The following NME7 variants were observed in gnomAD, a reference collection of about 807,000 sequenced individuals.
NME7 encodes NME/NM23 family member 7, also known as nucleoside diphosphate kinase 7.
In NME7, 41 loss-of-function variants were observed where a neutral mutation model predicts 49.1. The observed-to-expected ratio is 0.83, with a 90% CI of 0.65 to 1.08. NME7 has a LOEUF of 1.08. Ranked by LOEUF, NME7 falls within the 50% of genes least tolerant of loss-of-function variation. NME7 has a pLI of 0.00. For synonymous variants in NME7, 139 were observed against 150.6 expected, an observed-to-expected ratio of 0.92 and a Z score of 0.56; for missense variants, 423 against 463.4, an observed-to-expected ratio of 0.91 and a Z score of 0.80.
At chr1:169,146,101 T>G (rs139748363) in intron 11 of NME7, among the ~76,000 whole-genome samples, 4 of 152,208 alleles carry the variant, frequency 2.6e-5, no homozygotes, top group Non-Finnish European at 5.9e-5. Flanking sequence ...TCCCCGCTTT[T>G]AGAGTCCCCA....
chr1:169,213,123 A>G (rs902821641), intron 10 of NME7, among the ~76,000 whole-genome samples: 2 of 152,200 alleles, frequency 1.3e-5, no homozygotes, highest in African/African-American at 4.8e-5. Flanking sequence ...GGCATGAGTT[A>G]CAGTCATGCT....
At chr1:169,239,828 G>A (rs540192944) in intron 7 of NME7, among the ~76,000 whole-genome samples, 24 of 151,976 alleles carry the variant, frequency 1.6e-4, no homozygotes, top group Non-Finnish European at 3.1e-4. Flanking sequence ...CATAGTTCTG[G>A]AATAAAAGTA....
At chr1:169,294,007 T>G (rs923432066) in intron 6 of NME7, among the ~76,000 whole-genome samples, 1 of 152,162 alleles carries the variant, frequency 6.6e-6, no homozygotes, top group Non-Finnish European at 1.5e-5. Context: ...ATATCAAGAT[T>G]ACTATTGATT....
At chr1:169,328,296 C>T (rs1652137909) in intron 1 of NME7, among the ~76,000 whole-genome samples, 1 of 152,156 alleles carries the variant, frequency 6.6e-6, no homozygotes, top group African/African-American at 2.4e-5. Context: ...AAAATGGAAA[C>T]AGTACTTTCT....
At chr1:169,147,763 T>C (rs1393587342) in intron 11 of NME7, among the ~76,000 whole-genome samples, 4 of 152,178 alleles carry the variant, frequency 2.6e-5, no homozygotes, top group South Asian at 2.1e-4. Context: ...GTAACGACTA[T>C]AGTAGTTTGG....
intron 1 of NME7, among the ~76,000 whole-genome samples, chr1:169,335,115 G>A (rs1652408800): frequency 6.6e-6 from 1 of 152,182 alleles, no homozygotes; most frequent in Admixed American, 6.5e-5. Context: ...TGGTGGGAAT[G>A]TAAATTAGTT....
intron 6 of NME7, among the ~76,000 whole-genome samples, chr1:169,297,353 C>T (rs979269982): frequency 2.6e-5 from 4 of 152,050 alleles, no homozygotes; most frequent in African/African-American, 9.7e-5. Context: ...TGTTCAAAAC[C>T]CTAAAATGGC....
At chr1:169,261,734 G>A (rs1173936386) in intron 7 of NME7, among the ~76,000 whole-genome samples, 2 of 133,298 alleles carry the variant, frequency 1.5e-5, no homozygotes, top group African/African-American at 5.1e-5. Context: ...CTCTTGTACT[G>A]GGTGTTTATC....
intron 11 of NME7, among the ~76,000 whole-genome samples, chr1:169,157,184 C>T (rs975515549): frequency 1.2e-4 from 18 of 152,180 alleles, no homozygotes; most frequent in Admixed American, 4.6e-4. Flanking sequence ...GAGACATTTC[C>T]GCCACATAAA....
At chr1:169,184,054 T>C (rs1660003827) in intron 10 of NME7, among the ~76,000 whole-genome samples, 1 of 152,096 alleles carries the variant, frequency 6.6e-6, no homozygotes, top group Non-Finnish European at 1.5e-5. Context: ...AAGGTAACTT[T>C]AACTTTATCC....
intron 10 of NME7, among the ~76,000 whole-genome samples, chr1:169,192,199 G>A (rs113984774): frequency 5.3e-5 from 8 of 152,248 alleles, no homozygotes; most frequent in African/African-American, 1.7e-4. Flanking sequence ...GACAATTAAC[G>A]GCATAGGAGT....
intron 1 of NME7, among the ~76,000 whole-genome samples, chr1:169,355,429 T>C (rs891482334): frequency 7.0e-6 from 1 of 143,452 alleles, no homozygotes. Context: ...ATTTTAATTT[T>C]GTTTAAAAAA....
At chr1:169,237,806 C>G (rs923354809) in intron 7 of NME7, 119 bp from the exon 8 acceptor site, 10 of 651,852 alleles carry the variant, frequency 1.5e-5, no homozygotes, top group Admixed American at 5.8e-5. Context: ...TAAAAAAACA[C>G]ATATTTTGCA....
intron 1 of NME7, among the ~76,000 whole-genome samples, chr1:169,335,655 A>G (rs1433189203): frequency 6.7e-6 from 1 of 150,256 alleles, no homozygotes; most frequent in Non-Finnish European, 1.5e-5. Flanking sequence ...CGTTCTGCAC[A>G]TGTATCCTGA....
Position 169,266,576 on chromosome 1 carries a change from C to A in NME7, c.754+20727G>T, listed in dbSNP as rs920519552. ...GCCCTCTATCACCAAATCTATTGAA[C>A]ATAGTATTCGAAGTCCTGGCCAGAG... On this transcript the variant is annotated intron_variant, in intron 7 of 11. Transcript: ENST00000367811. Among the ~76,000 whole-genome samples the A allele has an allele frequency of 6.7e-5, 9 of 133,574 alleles. 2 individuals carry two copies. The highest frequency in any genetic ancestry group is 1.6e-4 in the Non-Finnish European group (9 of 56,838). 87.6% of individuals were successfully genotyped at this position (133,574 alleles called of 152,430 possible).
chr1:169,272,515 A>G (rs1402171855), intron 7 of NME7, among the ~76,000 whole-genome samples: 2 of 112,726 alleles, frequency 1.8e-5, no homozygotes, highest in African/African-American at 6.1e-5. Flanking sequence ...CCTATTGTTC[A>G]GCTGCCACTG....
intron 1 of NME7, among the ~76,000 whole-genome samples, chr1:169,367,211 A>G (rs1369822653): frequency 6.6e-6 from 1 of 151,970 alleles, no homozygotes; most frequent in Non-Finnish European, 1.5e-5. Context: ...GAAGGTAACC[A>G]ACTGGATAGA....
intron 7 of NME7, among the ~76,000 whole-genome samples, chr1:169,245,616 T>C (rs1430478831): frequency 1.3e-5 from 2 of 152,214 alleles, no homozygotes; most frequent in East Asian, 1.9e-4. Flanking sequence ...AAAATAGACA[T>C]GTTTAATATT....
At chr1:169,317,491 A>C (rs1194493354) in intron 3 of NME7, among the ~76,000 whole-genome samples, 1 of 152,212 alleles carries the variant, frequency 6.6e-6, no homozygotes, top group Admixed American at 6.5e-5. Context: ...GATACTATAG[A>C]TAAGTAAAGA....
Sources: allele counts gnomAD v4.1 joint callset (sites outside exome capture counted in the v4.1 genomes callset), GRCh38; gene constraint gnomAD v4.1.1; transcripts MANE v1.5; gene names NCBI Gene and HGNC (gene_info 2026-07-23, HGNC 2026-07-21).